UBE2E2: variants seen among roughly 807,000 people sequenced by gnomAD.
UBE2E2 encodes the protein ubiquitin-conjugating enzyme E2 E2.
UBE2E2 carries 6 observed loss-of-function variants against 24.7 expected under a neutral mutation model. The ratio of observed to expected loss-of-function variants is 0.24; its 90% CI spans 0.13 to 0.48. The LOEUF is 0.48. UBE2E2 is among the 20% of genes least tolerant of loss of function. UBE2E2 has a pLI of 0.99. For synonymous variants in UBE2E2, 104 were observed against 83.6 expected, an observed-to-expected ratio of 1.24 and a Z score of -1.33; for missense variants, 169 against 245.0, an observed-to-expected ratio of 0.69 and a Z score of 2.07.
At chr3:23,272,078 G>T (rs950596679) in intron 3 of UBE2E2, among the ~76,000 whole-genome samples, 1 of 152,200 alleles carries the variant, frequency 6.6e-6, no homozygotes, top group Non-Finnish European at 1.5e-5. Flanking sequence ...GTGGAGCAGG[G>T]GGTGATGCCT....
chr3:23,304,498 A>G (rs1031893803), intron 3 of UBE2E2, among the ~76,000 whole-genome samples: 1 of 152,188 alleles, frequency 6.6e-6, no homozygotes, highest in African/African-American at 2.4e-5. Flanking sequence ...AAAAATCTTG[A>G]AAAGAGTGGC....
In UBE2E2 at chr3:23,551,569, G is replaced by A. The variant is rs185769764; in HGVS notation, c.508+18868G>A. Among the ~76,000 whole-genome samples, 19 of 152,320 alleles carry A rather than the reference G, an allele frequency of 1.2e-4. No homozygotes were observed. The East Asian group carries it at 3.3e-3, about 26-fold the overall frequency. On this transcript the variant is annotated intron_variant, in intron 5 of 5. Coordinates refer to ENST00000396703, the MANE Select transcript of UBE2E2 (RefSeq NM_152653.4). ...TTTACAATCTAAAGAAATGTGAGTG[G>A]GAAGTAAGAGAATCACAGAAACAAT... is the stretch of plus-strand genomic sequence containing the variant.
chr3:23,430,026 A>G (rs1698020425), intron 3 of UBE2E2, among the ~76,000 whole-genome samples: 1 of 152,156 alleles, frequency 6.6e-6, no homozygotes, highest in Admixed American at 6.5e-5. Flanking sequence ...GATTACAGGT[A>G]CATGCCACCG....
chr3:23,363,879 G>T (rs1476667749), intron 3 of UBE2E2, among the ~76,000 whole-genome samples: 1 of 149,926 alleles, frequency 6.7e-6, no homozygotes, highest in Non-Finnish European at 1.5e-5. Context: ...CTCTAAAATT[G>T]ACCACACAAT....
chr3:23,376,233 T>C (rs1696518080), intron 3 of UBE2E2, among the ~76,000 whole-genome samples: 1 of 152,170 alleles, frequency 6.6e-6, no homozygotes, highest in Non-Finnish European at 1.5e-5. Flanking sequence ...AAATACAAGA[T>C]AGATTGTGTT....
chr3:23,481,255 A>G (rs1019636803), intron 3 of UBE2E2, among the ~76,000 whole-genome samples: 4 of 152,336 alleles, frequency 2.6e-5, no homozygotes, highest in East Asian at 1.9e-4. Flanking sequence ...TAACATTTCT[A>G]TCCTTTCAAA....
chr3:23,503,993 A>G (rs1694370227), intron 4 of UBE2E2, among the ~76,000 whole-genome samples: 1 of 142,890 alleles, frequency 7.0e-6, no homozygotes, highest in Non-Finnish European at 1.5e-5. Flanking sequence ...AAACAGTTGC[A>G]GATAAGCAAA....
At chr3:23,251,558 G>C (rs1262761550) in intron 3 of UBE2E2, among the ~76,000 whole-genome samples, 3 of 152,090 alleles carry the variant, frequency 2.0e-5, no homozygotes, top group Admixed American at 2.0e-4. Flanking sequence ...TGCAACCCAT[G>C]TACCTACTAT....
At chr3:23,296,045 G>A (rs959290886) in intron 3 of UBE2E2, among the ~76,000 whole-genome samples, 3 of 152,232 alleles carry the variant, frequency 2.0e-5, no homozygotes, top group South Asian at 2.1e-4. Flanking sequence ...TTTCTAAATA[G>A]AAGATAGAGA....
intron 3 of UBE2E2, among the ~76,000 whole-genome samples, chr3:23,396,181 T>C (rs2125365816): frequency 6.6e-6 from 1 of 151,318 alleles, no homozygotes; most frequent in African/African-American, 2.4e-5. Context: ...ATGGCAGAAC[T>C]TAATTTTGCC....
rs576145985 is a variant in UBE2E2 at position 23,447,159 on chromosome 3, A to G, written c.228-52449A>G. Among the ~76,000 whole-genome samples, 3 of 152,170 alleles carry G rather than the reference A, an allele frequency of 2.0e-5. No homozygotes were observed. The East Asian group carries it at 5.8e-4, about 29-fold the overall frequency. On this transcript the variant is annotated intron_variant, in intron 3 of 5. Transcript: ENST00000396703. ...AGTTTTATATTAATTTTCTGTGTTT[A>G]TTTAATTAATGCCAGTCTCTATGTA...
At chr3:23,400,456 C>T (rs1697190832) in intron 3 of UBE2E2, among the ~76,000 whole-genome samples, 1 of 152,058 alleles carries the variant, frequency 6.6e-6, no homozygotes, top group African/African-American at 2.4e-5. Context: ...AGGTGCATGC[C>T]ACTGTGCCCA....
intron 5 of UBE2E2, among the ~76,000 whole-genome samples, chr3:23,560,598 G>A (rs1269721713): frequency 1.3e-5 from 2 of 151,810 alleles, no homozygotes; most frequent in African/African-American, 4.8e-5. Flanking sequence ...GGGATTGCTG[G>A]GTCAAATGGT....
At chr3:23,569,998 T>A (rs1227702697) in intron 5 of UBE2E2, among the ~76,000 whole-genome samples, 5 of 152,210 alleles carry the variant, frequency 3.3e-5, no homozygotes, top group Admixed American at 3.3e-4. Flanking sequence ...CTTAACAATA[T>A]CTAGCAGATC....
At chr3:23,554,538 T>G in intron 5 of UBE2E2, among the ~76,000 whole-genome samples, 1 of 152,002 alleles carries the variant, frequency 6.6e-6, no homozygotes, top group East Asian at 1.9e-4. Flanking sequence ...AAGAATGAAA[T>G]TGGACCTTTA....
At chr3:23,524,203 T>C (rs1052229322) in intron 4 of UBE2E2, among the ~76,000 whole-genome samples, 2 of 152,208 alleles carry the variant, frequency 1.3e-5, no homozygotes, top group African/African-American at 4.8e-5. Context: ...TTAGAATCAG[T>C]TTGTCAGAAA....
At chr3:23,543,170 T>TAC (rs1695434271) in intron 5 of UBE2E2, among the ~76,000 whole-genome samples, 1 of 152,122 alleles carries the variant, frequency 6.6e-6, no homozygotes, top group African/African-American at 2.4e-5. Context: ...CAAACACTTT[T>TAC]ACCACTTCTA....
intron 3 of UBE2E2, among the ~76,000 whole-genome samples, chr3:23,314,655 C>T (rs1007146445): frequency 1.3e-5 from 2 of 152,148 alleles, no homozygotes; most frequent in Non-Finnish European, 2.9e-5. Flanking sequence ...TGATGAAATC[C>T]CTCAGCTTTT....
intron 3 of UBE2E2, chr3:23,271,106 G>A: frequency 1.1e-5 from 5 of 440,646 alleles, no homozygotes; most frequent in South Asian, 6.5e-5. Flanking sequence ...AAGAGAAATG[G>A]ACCTTGAGTT....
Sources: gnomAD v4.1 joint callset for allele counts (sites outside exome capture counted in the v4.1 genomes callset) on GRCh38, gnomAD v4.1.1 for gene constraint, MANE v1.5 for transcripts, NCBI Gene and HGNC (gene_info 2026-07-23, HGNC 2026-07-21) for gene names.